The following SMIM35 variants were observed in gnomAD, a reference collection of about 807,000 sequenced individuals.
SMIM35 encodes the protein small integral membrane protein 35, also known as TMPRSS4 antisense RNA 1 (non-protein coding).
chr11:118,004,856 G>A lies in SMIM35; in HGVS notation c.*1554C>T, dbSNP rs567845290. On this transcript the variant is annotated 3_prime_UTR_variant, in exon 5 of 5. Coordinates refer to ENST00000689828, the MANE Select transcript of SMIM35 (RefSeq NM_001394165.1). Reference sequence around the variant, plus strand: ...TGGTCAATCACAGCCCATCATCAAGGGTGCAGCTGAGGGCTCCCTTTAGTA... The same window carrying A: ...TGGTCAATCACAGCCCATCATCAAGAGTGCAGCTGAGGGCTCCCTTTAGTA... 6.6e-6 allele frequency: 1 copy of A among 152,268 alleles called. No homozygotes were observed. Among genetic ancestry groups the A allele is most frequent in the African/African-American group, 2.4e-5 (1 of 41,520 alleles). 9.4% of individuals were successfully genotyped at this position (152,268 alleles called of 1,614,324 possible).
intron 1 of SMIM35, among the ~76,000 whole-genome samples, chr11:118,052,255 C>T (rs1944228908): frequency 1.3e-5 from 2 of 152,162 alleles, no homozygotes; most frequent in South Asian, 2.1e-4. Context: ...TCCAGTTTCC[C>T]GCGTCCGGCC....
chr11:118,023,813 A>G (rs1410124978), intron 1 of SMIM35, among the ~76,000 whole-genome samples: 1 of 152,130 alleles, frequency 6.6e-6, no homozygotes, highest in Non-Finnish European at 1.5e-5. Context: ...TGGATGGATC[A>G]CTTGAGGTCA....
chr11:118,009,644 T>C (rs2058140529), intron 4 of SMIM35, among the ~76,000 whole-genome samples: 1 of 151,960 alleles, frequency 6.6e-6, no homozygotes, highest in African/African-American at 2.4e-5. Flanking sequence ...TATTGACACT[T>C]TGTACTTGCA....
At chr11:118,075,159 C>A (rs1451481609) in intron 1 of SMIM35, among the ~76,000 whole-genome samples, 1 of 152,224 alleles carries the variant, frequency 6.6e-6, no homozygotes, top group African/African-American at 2.4e-5. Flanking sequence ...CTTCTCACTG[C>A]CCTGCTGCTG....
At chr11:118,036,864 G>T (rs1242928086) in intron 1 of SMIM35, among the ~76,000 whole-genome samples, 2 of 152,212 alleles carry the variant, frequency 1.3e-5, no homozygotes, top group Non-Finnish European at 2.9e-5. Context: ...GCCATTGCTG[G>T]CTCGAATGCT....
chr11:118,082,951 AT>A (rs1258911643), intron 1 of SMIM35, among the ~76,000 whole-genome samples: 1 of 152,158 alleles, frequency 6.6e-6, no homozygotes, highest in African/African-American at 2.4e-5. Flanking sequence ...CTCCACTGAA[AT>A]CAAATGCAGA....
At chr11:118,047,853 T>C (rs1457944785) in intron 1 of SMIM35, among the ~76,000 whole-genome samples, 1 of 152,326 alleles carries the variant, frequency 6.6e-6, no homozygotes, top group African/African-American at 2.4e-5. Context: ...CCCAGGGTAC[T>C]GGCTTGAGTG....
intron 1 of SMIM35, among the ~76,000 whole-genome samples, chr11:118,076,405 C>T (rs1481335556): frequency 2.0e-5 from 3 of 152,186 alleles, no homozygotes; most frequent in Non-Finnish European, 4.4e-5. Flanking sequence ...TGAGATTGCG[C>T]CCCTGCACTC....
At chr11:118,049,667 T>A (rs1053429833) in intron 1 of SMIM35, among the ~76,000 whole-genome samples, 1 of 152,144 alleles carries the variant, frequency 6.6e-6, no homozygotes, top group Non-Finnish European at 1.5e-5. Flanking sequence ...ATGCTTTTAA[T>A]TTAATTTTTG....
chr11:118,082,233 C>T (rs560192618), intron 1 of SMIM35, among the ~76,000 whole-genome samples: 9 of 152,330 alleles, frequency 5.9e-5, no homozygotes, highest in African/African-American at 1.2e-4. Context: ...ATACAACTCT[C>T]TGAGACATTG....
At chr11:118,057,744 A>G (rs1404759629) in intron 1 of SMIM35, among the ~76,000 whole-genome samples, 1 of 152,206 alleles carries the variant, frequency 6.6e-6, no homozygotes, top group Non-Finnish European at 1.5e-5. Context: ...TGATGAAATG[A>G]GAGAAATCGG....
At chr11:118,021,047 G>GTTTTTTTTTTTTTTTTTTTTT (rs367714265) in intron 1 of SMIM35, among the ~76,000 whole-genome samples, 10 of 140,822 alleles carry the variant, frequency 7.1e-5, no homozygotes, top group African/African-American at 1.8e-4. Flanking sequence ...ACAGGGTAAG[G>GTTTTTTTTTTTTTTTTTTTTT]TTTTTTTTTT....
At chr11:118,008,149 C>A (rs758816142) in intron 4 of SMIM35, among the ~76,000 whole-genome samples, 6 of 151,232 alleles carry the variant, frequency 4.0e-5, no homozygotes, top group African/African-American at 1.2e-4. Context: ...GGATTACAGG[C>A]GTGAGCCACC....
chr11:118,010,906 G>A (rs185095036), intron 4 of SMIM35, among the ~76,000 whole-genome samples: 7 of 152,334 alleles, frequency 4.6e-5, no homozygotes, highest in Non-Finnish European at 7.4e-5. Context: ...CTATGATCTG[G>A]GTCCCAGCCA....
intron 1 of SMIM35, among the ~76,000 whole-genome samples, chr11:118,036,989 G>T (rs1223110411): frequency 4.6e-5 from 7 of 152,118 alleles, no homozygotes; most frequent in Non-Finnish European, 1.0e-4. Context: ...TCTCCTTACT[G>T]GTTGGGTGTG....
At chr11:118,085,966 A>G (rs1238508040) in intron 1 of SMIM35, among the ~76,000 whole-genome samples, 1 of 152,232 alleles carries the variant, frequency 6.6e-6, no homozygotes, top group Non-Finnish European at 1.5e-5. Context: ...TAGGACAAAG[A>G]GAAGGATCGC....
chr11:118,041,788 T>C (rs1205012261), intron 1 of SMIM35, among the ~76,000 whole-genome samples: 1 of 152,090 alleles, frequency 6.6e-6, no homozygotes, highest in Non-Finnish European at 1.5e-5. Flanking sequence ...CAGTGGATCA[T>C]GCCTGTAACC....
chr11:118,015,141 T>G (rs193274894), intron 2 of SMIM35, among the ~76,000 whole-genome samples: 2 of 152,354 alleles, frequency 1.3e-5, no homozygotes, highest in African/African-American at 4.8e-5. Context: ...ATCCATGGAC[T>G]CTGTTAAAGT....
At chr11:118,032,877 C>T (rs2058330359) in intron 1 of SMIM35, among the ~76,000 whole-genome samples, 1 of 152,208 alleles carries the variant, frequency 6.6e-6, no homozygotes, top group Admixed American at 6.5e-5. Context: ...CACTGCACTT[C>T]AGCCTGGGCA....
Sources: allele counts gnomAD v4.1 joint callset (sites outside exome capture counted in the v4.1 genomes callset), GRCh38; gene constraint gnomAD v4.1.1; transcripts MANE v1.5; gene names NCBI Gene and HGNC (gene_info 2026-07-23, HGNC 2026-07-21).